Variants in CDH8 observed in about 807,000 individuals in gnomAD.
CDH8 encodes the protein cadherin-8.
Under a neutral mutation model 68.1 loss-of-function variants are expected in CDH8, and 17 were observed. The observed-to-expected ratio is 0.25, with a 90% CI of 0.17 to 0.37. CDH8 has a LOEUF of 0.37. CDH8 is among the 10% of genes least tolerant of loss of function. CDH8 has a pLI of 1.00. For synonymous variants in CDH8, 372 were observed against 365.1 expected, an observed-to-expected ratio of 1.02 and a Z score of -0.21; for missense variants, 763 against 999.3, an observed-to-expected ratio of 0.76 and a Z score of 3.19.
At chr16:61,756,984 T>C (rs930264096) in intron 8 of CDH8, among the ~76,000 whole-genome samples, 1 of 152,156 alleles carries the variant, frequency 6.6e-6, no homozygotes, top group African/African-American at 2.4e-5. Context: ...ATCCATTGAG[T>C]TCTCGATTAA....
chr16:61,981,647 AATGTGTGTGTGTGTGT>A (rs1159901541), intron 2 of CDH8, among the ~76,000 whole-genome samples: 1 of 131,060 alleles, frequency 7.6e-6, no homozygotes, highest in African/African-American at 2.8e-5. Flanking sequence ...CCTTGAAAAG[AATGTGTGTGTGTGTGT>A]GTGTGTGTGT....
intron 2 of CDH8, among the ~76,000 whole-genome samples, chr16:61,941,925 C>T (rs543799827): frequency 9.2e-5 from 14 of 152,220 alleles, no homozygotes; most frequent in African/African-American, 3.4e-4. Context: ...TTGATCTCTC[C>T]CTTATACATT....
At chr16:61,725,934 C>T (rs1402218490) in intron 9 of CDH8, 2 of 149,704 alleles carry the variant, frequency 1.3e-5, no homozygotes, top group East Asian at 2.0e-4. Context: ...GTGTCTTATT[C>T]TGGTAGATGG....
chr16:61,756,539 A>G (rs576347166), intron 8 of CDH8, among the ~76,000 whole-genome samples: 125 of 152,310 alleles, frequency 8.2e-4, no homozygotes, highest in African/African-American at 2.9e-3. Flanking sequence ...ATAACTGGAA[A>G]TTGTAATTAC....
At chr16:61,965,750 T>G (rs1240720311) in intron 2 of CDH8, among the ~76,000 whole-genome samples, 2 of 152,200 alleles carry the variant, frequency 1.3e-5, no homozygotes, top group Non-Finnish European at 2.9e-5. Flanking sequence ...CTGGTGCTAG[T>G]GTACTTTGGG....
intron 10 of CDH8, among the ~76,000 whole-genome samples, chr16:61,683,206 G>A (rs935095250): frequency 3.3e-5 from 5 of 151,862 alleles, no homozygotes; most frequent in Non-Finnish European, 5.9e-5. Flanking sequence ...GCAGAGTTGG[G>A]CAAAATTTTC....
At position 61,653,973 on chromosome 16, in the gene CDH8, C is replaced by A; in HGVS notation, c.2035G>T (p.Ala679Ser). 1.9e-6 allele frequency: 3 copies of A among 1,614,134 alleles called. No individual in the cohort carries two copies. Among genetic ancestry groups the A allele is most frequent in the Non-Finnish European group, 2.5e-6 (3 of 1,180,000 alleles). ...DEGGGEEDTE[A>S]FDIATLQNPD... ...TTTTGTAAAGTTGCAATGTCAAAAG[C>A]CTCTGTGTCCTCCTCCCCTCCTCCT... The change falls in exon 12 of 12, where the codon GCT becomes TCT. Residue 679 changes from alanine to serine, a missense_variant. Ala to Ser is a moderately conservative substitution (Grantham distance 99). This residue lies in a region of CDH8 where 397 missense variants were observed against 436.2 expected (regional missense o/e 0.91). Coordinates refer to ENST00000577390, the MANE Select transcript of CDH8 (RefSeq NM_001796.5).
intron 4 of CDH8, among the ~76,000 whole-genome samples, chr16:61,825,477 A>G (rs1234895807): frequency 1.3e-5 from 2 of 151,916 alleles, no homozygotes; most frequent in Non-Finnish European, 2.9e-5. Context: ...ATTATAATGT[A>G]TATCATAACA....
At chr16:61,741,880 C>T (rs538410590) in intron 8 of CDH8, among the ~76,000 whole-genome samples, 102 of 152,252 alleles carry the variant, frequency 6.7e-4, no homozygotes, top group African/African-American at 2.4e-3. Flanking sequence ...TATACACACA[C>T]GTGCACATGC....
In CDH8 at chr16:61,651,007, ACTGTACGAAGATTATC is replaced by A. The variant is rs1450845878; in HGVS notation, c.*2585_*2600del. ...ACATTATCTCCTGCTCACAGAAACC[ACTGTACGAAGATTATC>A]CTGTTGATTACCAATATTTGAGGAT... On this transcript the variant is annotated 3_prime_UTR_variant, in exon 12 of 12. Coordinates refer to ENST00000577390, the MANE Select transcript of CDH8 (RefSeq NM_001796.5). 6.6e-6 allele frequency: 1 copy of A among 152,118 alleles called. No individual in the cohort carries two copies. The highest frequency in any genetic ancestry group is 1.5e-5 in the Non-Finnish European group (1 of 68,010). The allele number at this position is 152,118 out of a possible 1,614,324, so 9.4% of individuals were successfully genotyped here. A position where few individuals can be genotyped will look rare whatever the true frequency, so the allele number is the denominator to read the frequency against.
At chr16:62,015,991 T>C (rs1901929840) in intron 2 of CDH8, among the ~76,000 whole-genome samples, 1 of 152,168 alleles carries the variant, frequency 6.6e-6, no homozygotes, top group African/African-American at 2.4e-5. Context: ...TAAGACACAC[T>C]CAGTTACCCT....
intron 9 of CDH8, among the ~76,000 whole-genome samples, chr16:61,716,581 G>A (rs909998573): frequency 1.2e-4 from 18 of 151,626 alleles, no homozygotes; most frequent in African/African-American, 3.6e-4. Context: ...TGAGCCAATG[G>A]AAAAGATTCA....
intron 2 of CDH8, among the ~76,000 whole-genome samples, chr16:61,976,177 A>C (rs1463929754): frequency 6.6e-6 from 1 of 152,222 alleles, no homozygotes; most frequent in Non-Finnish European, 1.5e-5. Context: ...ACTGCATACA[A>C]AACTTAACAC....
chr16:61,745,929 C>G (rs1319897191), intron 8 of CDH8, among the ~76,000 whole-genome samples: 1 of 152,014 alleles, frequency 6.6e-6, no homozygotes, highest in Non-Finnish European at 1.5e-5. Flanking sequence ...GGTGTTATCT[C>G]CCTTTAGACA....
chr16:61,915,885 G>A (rs961467599), intron 2 of CDH8, among the ~76,000 whole-genome samples: 3 of 152,126 alleles, frequency 2.0e-5, no homozygotes, highest in African/African-American at 7.2e-5. Context: ...GAAAGGTAGG[G>A]GGTGGGGCAT....
chr16:61,723,293 G>A (rs984225498), intron 9 of CDH8, among the ~76,000 whole-genome samples: 2 of 150,628 alleles, frequency 1.3e-5, no homozygotes. Flanking sequence ...TTCTGAGTGT[G>A]GGGTTGTCAA....
At chr16:61,723,177 A>C (rs1959245223) in intron 9 of CDH8, among the ~76,000 whole-genome samples, 1 of 150,778 alleles carries the variant, frequency 6.6e-6, no homozygotes, top group Non-Finnish European at 1.5e-5. Flanking sequence ...TCTGAAATAA[A>C]GTCCAAGAAA....
At chr16:61,735,631 A>G (rs755327912) in intron 8 of CDH8, among the ~76,000 whole-genome samples, 1 of 152,148 alleles carries the variant, frequency 6.6e-6, no homozygotes, top group Non-Finnish European at 1.5e-5. Flanking sequence ...TGGTTTATCT[A>G]TATATTCATT....
chr16:62,032,806 T>C (rs565376766), intron 1 of CDH8, among the ~76,000 whole-genome samples: 1 of 152,330 alleles, frequency 6.6e-6, no homozygotes, highest in East Asian at 1.9e-4. Context: ...AATTGGAATG[T>C]TGATAAAGCC....
Sources: gnomAD v4.1 joint callset for allele counts (sites outside exome capture counted in the v4.1 genomes callset) on GRCh38, gnomAD v4.1.1 for gene constraint, gnomAD v4.1.1 regional missense constraint, MANE v1.5 for transcripts, NCBI Gene and HGNC (gene_info 2026-07-23, HGNC 2026-07-21) for gene names.